The following PRKCE variants were observed in gnomAD, a reference collection of about 807,000 sequenced individuals.
PRKCE encodes the protein protein kinase C epsilon type.
Under a neutral mutation model 85.4 loss-of-function variants are expected in PRKCE, and 16 were observed. That is an observed-to-expected ratio of 0.19 (90% confidence interval 0.13 to 0.28). The LOEUF (loss-of-function observed/expected upper bound fraction) is 0.28. PRKCE is among the 10% of genes least tolerant of loss of function. The pLI, the probability that PRKCE is intolerant of heterozygous loss-of-function variation, is 1.00. For missense variants in PRKCE, 573 were observed against 975.2 expected (o/e 0.59, Z 5.49); for synonymous variants, 388 against 371.5 (o/e 1.04, Z -0.51).
chr2:45,911,763 C>T (rs1283572206), intron 2 of PRKCE, among the ~76,000 whole-genome samples: 1 of 152,204 alleles, frequency 6.6e-6, no homozygotes, highest in Non-Finnish European at 1.5e-5. Flanking sequence ...TAGTTCTATA[C>T]TGCCACTTGC....
chr2:45,723,950 T>G (rs558468495), intron 1 of PRKCE, among the ~76,000 whole-genome samples: 19 of 152,316 alleles, frequency 1.2e-4, no homozygotes, highest in African/African-American at 4.1e-4. Context: ...CATAGTCTGT[T>G]CTTACATTCT....
At chr2:45,972,074 C>T (rs1248592230) in intron 2 of PRKCE, among the ~76,000 whole-genome samples, 1 of 152,184 alleles carries the variant, frequency 6.6e-6, no homozygotes, top group Non-Finnish European at 1.5e-5. Context: ...ATTTTACATT[C>T]CCATGAACAG....
chr2:45,888,624 T>A (rs1215274119), intron 2 of PRKCE, among the ~76,000 whole-genome samples: 1 of 152,064 alleles, frequency 6.6e-6, no homozygotes, highest in Admixed American at 6.5e-5. Context: ...CTAATTTTTG[T>A]AATTTCAGTA....
chr2:46,144,689 C>T (rs540485521), intron 11 of PRKCE, among the ~76,000 whole-genome samples: 10 of 152,246 alleles, frequency 6.6e-5, no homozygotes, highest in Admixed American at 5.2e-4. Context: ...CGTTGATGTC[C>T]CTATGTGTCA....
chr2:46,088,916 C>T (rs1379681203), intron 11 of PRKCE, among the ~76,000 whole-genome samples: 2 of 152,198 alleles, frequency 1.3e-5, no homozygotes. Context: ...TCATGCTGCA[C>T]ACCATGACAC....
rs1307767822 is a variant in PRKCE, at chr2:46,139,291, CTG to C, written c.1593-5800_1593-5799del. 1.3e-5 allele frequency among the ~76,000 whole-genome samples: 2 copies of C among 152,032 alleles called. No individual in the cohort carries two copies. Among genetic ancestry groups the C allele is most frequent in the Non-Finnish European group, 2.9e-5 (2 of 67,998 alleles). On this transcript the variant is annotated intron_variant, in intron 11 of 14. Coordinates refer to ENST00000306156, the MANE Select transcript of PRKCE (RefSeq NM_005400.3). The surrounding 1 kb of genome is among the most constrained non-coding windows in gnomAD (Gnocchi z 5.2). ...AAATCCAGGAGAATCAACTGGAAAA[CTG>C]TTACAAAAATAGAGGGTTCGGTATA...
intron 2 of PRKCE, among the ~76,000 whole-genome samples, chr2:45,848,744 T>G (rs1389897829): frequency 6.6e-6 from 1 of 152,180 alleles, no homozygotes; most frequent in Non-Finnish European, 1.5e-5. Flanking sequence ...TCAAGGAGCT[T>G]GCAATTCAAT....
chr2:46,026,639 G>A (rs554722643), intron 10 of PRKCE, among the ~76,000 whole-genome samples: 20 of 152,298 alleles, frequency 1.3e-4, no homozygotes, highest in Admixed American at 1.2e-3. Flanking sequence ...GCTGTGTCAT[G>A]ACATTTTAGG....
At chr2:46,132,489 G>C (rs1403762444) in intron 11 of PRKCE, among the ~76,000 whole-genome samples, 3 of 152,128 alleles carry the variant, frequency 2.0e-5, no homozygotes, top group South Asian at 2.1e-4. Flanking sequence ...CCATCACATG[G>C]AGAAATGGAG....
intron 2 of PRKCE, among the ~76,000 whole-genome samples, chr2:45,876,031 T>C (rs1694449421): frequency 1.3e-5 from 2 of 152,216 alleles, no homozygotes; most frequent in Admixed American, 1.3e-4. Flanking sequence ...AAAATCTACA[T>C]CAGCTTCCCA....
At chr2:46,144,241 C>A (rs1381203593) in intron 11 of PRKCE, among the ~76,000 whole-genome samples, 1 of 152,200 alleles carries the variant, frequency 6.6e-6, no homozygotes, top group East Asian at 1.9e-4. Flanking sequence ...TGATTATAAG[C>A]AATGTGCCTT....
At chr2:45,995,927 T>C (rs1168139271) in intron 6 of PRKCE, among the ~76,000 whole-genome samples, 18 of 152,178 alleles carry the variant, frequency 1.2e-4, no homozygotes, top group Non-Finnish European at 2.5e-4. Context: ...TTGATTAAGG[T>C]TGCGTTGAAT....
chr2:45,905,156 C>A lies in PRKCE; in HGVS notation c.412+62093C>A, dbSNP rs1279998321. Reference sequence around the variant, plus strand: ...ATGCTGGGGCAGGCCGTAGTCCAGGCCATCTCACACTGGCTAGGGCAAACC... The same window carrying A: ...ATGCTGGGGCAGGCCGTAGTCCAGGACATCTCACACTGGCTAGGGCAAACC... On this transcript the variant is annotated intron_variant, in intron 2 of 14. Transcript: ENST00000306156. The surrounding 1 kb of genome is among the most constrained non-coding windows in gnomAD (Gnocchi z 4.4). Among the ~76,000 whole-genome samples, 3 of 152,210 alleles carry A rather than the reference C, an allele frequency of 2.0e-5. No individual in the cohort carries two copies. The highest frequency in any genetic ancestry group is 4.4e-5 in the Non-Finnish European group (3 of 68,028).
chr2:46,023,762 C>T (rs1574262571), intron 10 of PRKCE, among the ~76,000 whole-genome samples: 1 of 152,266 alleles, frequency 6.6e-6, no homozygotes, highest in East Asian at 1.9e-4. Context: ...ACTGTGCCCC[C>T]CACTGCCTGT....
At chr2:46,095,786 A>G (rs927553411) in intron 11 of PRKCE, among the ~76,000 whole-genome samples, 1 of 152,254 alleles carries the variant, frequency 6.6e-6, no homozygotes, top group South Asian at 2.1e-4. Context: ...AGGAAAGTAA[A>G]ATAGTGGTGA....
chr2:45,826,108 G>A (rs541840980), intron 1 of PRKCE, among the ~76,000 whole-genome samples: 2 of 152,226 alleles, frequency 1.3e-5, no homozygotes, highest in Admixed American at 1.3e-4. Flanking sequence ...TAGAAGTCAG[G>A]CCTTTGCATT....
At chr2:45,795,509 C>G (rs1429690276) in intron 1 of PRKCE, among the ~76,000 whole-genome samples, 1 of 152,134 alleles carries the variant, frequency 6.6e-6, no homozygotes, top group Non-Finnish European at 1.5e-5. Context: ...GGGGTTTCAT[C>G]ATGTTGGCCA....
intron 2 of PRKCE, among the ~76,000 whole-genome samples, chr2:45,846,144 G>A (rs1324144641): frequency 6.6e-6 from 1 of 152,196 alleles, no homozygotes; most frequent in Non-Finnish European, 1.5e-5. Context: ...AGGCTCTCCA[G>A]ATGCTTAAAT....
intron 1 of PRKCE, among the ~76,000 whole-genome samples, chr2:45,768,065 A>G (rs1245720718): frequency 1.3e-5 from 2 of 152,228 alleles, no homozygotes; most frequent in Non-Finnish European, 1.5e-5. Context: ...ATTGTTGGCC[A>G]GGGTTCATGA....
Sources: gnomAD v4.1 joint callset for allele counts (sites outside exome capture counted in the v4.1 genomes callset) on GRCh38, gnomAD v4.1.1 for gene constraint, Gnocchi (gnomAD v3.1) non-coding constraint, MANE v1.5 for transcripts, NCBI Gene and HGNC (gene_info 2026-07-23, HGNC 2026-07-21) for gene names.